RARA: variants seen among roughly 807,000 people sequenced by gnomAD.
The protein encoded by RARA is retinoic acid receptor alpha, also known as PML-DDX5-RARA fusion.
A neutral mutation model predicts 42.8 loss-of-function variants in RARA; 5 were observed. That is an observed-to-expected ratio of 0.12 (90% CI 0.06 to 0.25). The LOEUF (loss-of-function observed/expected upper bound fraction) is 0.25. Ranked by LOEUF, RARA falls within the 10% of genes least tolerant of loss-of-function variation. The pLI, the probability that RARA is intolerant of heterozygous loss-of-function variation, is 1.00. For synonymous variants in RARA, 256 were observed against 259.5 expected, an observed-to-expected ratio of 0.99 and a Z score of 0.13; for missense variants, 402 against 628.7, an observed-to-expected ratio of 0.64 and a Z score of 3.86.
At chr17:40,323,010 A>T (rs1401489073) in intron 1 of RARA, 1 of 152,010 alleles carries the variant, frequency 6.6e-6, no homozygotes, top group Non-Finnish European at 1.5e-5. Flanking sequence ...TGCCATGGTG[A>T]TGTCTGCCGT....
chr17:40,354,518 GC>G lies in RARA; in HGVS notation c.1012+14del. 10 of 1,610,050 alleles carry G rather than the reference GC, an allele frequency of 6.2e-6. No individual in the cohort carries two copies. Among genetic ancestry groups the G allele is most frequent in the Non-Finnish European group, 8.5e-6 (10 of 1,177,738 alleles). ...CCTCATCTGCGGAGGTGGGCAGGGG[GC>G]CTGGGTCTGGGGGCTGGGCTGGGAC... On this transcript the variant is annotated intron_variant, in intron 7 of 8. Transcript: ENST00000254066. The surrounding 1 kb of genome is among the most constrained non-coding windows in gnomAD (Gnocchi z 4.5).
chr17:40,341,270 C>T (rs1172881856), intron 2 of RARA: 5 of 1,339,508 alleles, frequency 3.7e-6, no homozygotes, highest in Non-Finnish European at 4.9e-6. Flanking sequence ...TAGGAGACAC[C>T]TTGGGCGGGG....
In RARA at chr17:40,351,200, T is replaced by G; in HGVS notation, c.470-710T>G. On this transcript the variant is annotated intron_variant, in intron 4 of 8. Transcript: ENST00000254066. This position sits in a 1 kb window ranked among gnomAD's most constrained non-coding sequence, Gnocchi z 4.1. ...AGAATCGACATGAGTGATCTCCAAA[T>G]TATGCCAGCTACCCCCACCTCGCTA... Among the ~76,000 whole-genome samples the G allele has an allele frequency of 6.6e-6, 1 of 151,462 alleles. No homozygotes were observed. Among genetic ancestry groups the G allele is most frequent in the South Asian group, 2.1e-4 (1 of 4,786 alleles).
At chr17:40,342,801 G>A in intron 2 of RARA, 1 of 1,612,796 alleles carries the variant, frequency 6.2e-7, no homozygotes, top group Non-Finnish European at 8.5e-7. Context: ...CCCAGAGAAG[G>A]GGCTCCCCGC....
rs980966828 is a variant in RARA, at chr17:40,355,016, A to C, written c.1013-247A>C. On this transcript the variant is annotated intron_variant, in intron 7 of 8. Transcript: ENST00000254066. This position sits in a 1 kb window ranked among gnomAD's most constrained non-coding sequence, Gnocchi z 4.1. ...TCCCTGCTTGAGGATGGCACTGCCC[A>C]TTTGGGGTCCCATCCCACTAACTGG... 6.6e-6 allele frequency among the ~76,000 whole-genome samples: 1 copy of C among 152,120 alleles called. No individual in the cohort carries two copies. The highest frequency in any genetic ancestry group is 1.5e-5 in the Non-Finnish European group (1 of 68,006).
At chr17:40,318,425 ACGGGTTGCTTCCCCC>A (rs1277113312) in intron 1 of RARA, 1 of 152,246 alleles carries the variant, frequency 6.6e-6, no homozygotes, top group Non-Finnish European at 1.5e-5. Context: ...GGCACCCCGA[ACGGGTTGCTTCCCCC>A]GCTGCGAGGT....
In RARA at chr17:40,351,458, TCCCCACTTG is replaced by T. The variant is rs1217126407; in HGVS notation, c.470-446_470-438del. ...CCACTCTCAGGCTGGGGAGCCCTACTCCCCACTTGCCCCAGGAGCTGCTCAGAGCCAGTC... is the reference window on the plus strand; with the variant it reads ...CCACTCTCAGGCTGGGGAGCCCTACTCCCCAGGAGCTGCTCAGAGCCAGTC... On this transcript the variant is annotated intron_variant, in intron 4 of 8. Coordinates refer to ENST00000254066, the MANE Select transcript of RARA (RefSeq NM_000964.4). This position sits in a 1 kb window ranked among gnomAD's most constrained non-coding sequence, Gnocchi z 4.1. The T allele has an allele frequency of 2.1e-6, 1 of 471,828 alleles. No individual in the cohort carries two copies. Among genetic ancestry groups the T allele is most frequent in the South Asian group, 1.6e-5 (1 of 64,450 alleles). 29.2% of individuals were successfully genotyped at this position (471,828 alleles called of 1,614,324 possible). A position where few individuals can be genotyped will look rare whatever the true frequency, so the allele number is the denominator to read the frequency against.
At position 40,354,318 on chromosome 17, in the gene RARA, C is replaced by T. The variant is rs757750800; in HGVS notation, c.824C>T (p.Thr275Met). ...CLDILILRIC[T>M]RYTPEQDTMT... ...TGCACCCAGATCCTGCGGATCTGCA[C>T]GCGGTACACGCCCGAGCAGGACACC... The change falls in exon 7 of 9, where the codon ACG (threonine) becomes ATG (methionine). Residue 275 changes from threonine (T) to methionine (M), a missense_variant. Around this residue, in one of 5 missense-constraint regions of RARA, gnomAD observed 130 missense variants for 267.9 expected, o/e 0.49. Coordinates refer to ENST00000254066, the MANE Select transcript of RARA (RefSeq NM_000964.4). The surrounding 1 kb of genome is among the most constrained non-coding windows in gnomAD (Gnocchi z 4.5). 9.9e-6 allele frequency: 16 copies of T among 1,614,016 alleles called. No homozygotes were observed. The East Asian group carries it at 1.1e-4, about 11-fold the overall frequency.
chr17:40,335,652 T>C (rs1185280580), intron 2 of RARA, among the ~76,000 whole-genome samples: 1 of 151,674 alleles, frequency 6.6e-6, no homozygotes, highest in Non-Finnish European at 1.5e-5. Flanking sequence ...ATCATGCCAC[T>C]GCACTCCAGC....
Position 40,356,403 on chromosome 17 carries a change from C to CTG in RARA, c.*177_*178insTG, listed in dbSNP as rs1466815683. ...GCGACTCCTTGGACAGAGGCCTGGG[C>CTG]CCTCAGTGGACTGCCTGCTCCCACA... On this transcript the variant is annotated 3_prime_UTR_variant, in exon 9 of 9. Transcript: ENST00000254066. 1 of 782,210 alleles carries CTG rather than the reference C, an allele frequency of 1.3e-6. No individual in the cohort carries two copies. Among genetic ancestry groups the CTG allele is most frequent in the Non-Finnish European group, 2.2e-6 (1 of 459,766 alleles). The allele number at this position is 782,210 out of a possible 1,614,324, so 48.5% of individuals were successfully genotyped here. A position where few individuals can be genotyped will look rare whatever the true frequency, so the allele number is the denominator to read the frequency against.
intron 2 of RARA, among the ~76,000 whole-genome samples, chr17:40,332,482 C>A (rs1265259149): frequency 6.6e-6 from 1 of 152,202 alleles, no homozygotes; most frequent in Non-Finnish European, 1.5e-5. Context: ...TGGGTCAGTG[C>A]CCCCTTCTCA....
chr17:40,341,346 A>T, intron 2 of RARA: 1 of 1,428,854 alleles, frequency 7.0e-7, no homozygotes, highest in Non-Finnish European at 9.2e-7. Context: ...TTGTGCCAAC[A>T]GCACCCGCGC....
At position 40,341,286 on chromosome 17, in the gene RARA, C is replaced by T. The variant is rs947805085; in HGVS notation, c.179-7030C>T. On this transcript the variant is annotated intron_variant, in intron 2 of 8. Transcript: ENST00000254066. ...AGGAGACACCTTGGGCGGGGCTTTG[C>T]TCGCCGGAAGCACGCAGAGCGTGGG... 3.7e-6 allele frequency: 5 copies of T among 1,369,238 alleles called. No homozygotes were observed. In the African/African-American group the frequency reaches 4.6e-5, roughly 13 times the overall value. The allele number at this position is 1,369,238 out of a possible 1,614,324, so 84.8% of individuals were successfully genotyped here.
intron 1 of RARA, among the ~76,000 whole-genome samples, chr17:40,329,468 A>G (rs2033633963): frequency 6.6e-6 from 1 of 152,128 alleles, no homozygotes; most frequent in African/African-American, 2.4e-5. Flanking sequence ...CACCATGCGC[A>G]GCTAATTTTT....
At chr17:40,341,715 G>A in intron 2 of RARA, 1 of 1,314,378 alleles carries the variant, frequency 7.6e-7, no homozygotes, top group Non-Finnish European at 9.7e-7. Flanking sequence ...GTGGGGGTGT[G>A]TGTTAAGGGG....
At chr17:40,330,549 C>T (rs922870710) in intron 1 of RARA, among the ~76,000 whole-genome samples, 2 of 152,152 alleles carry the variant, frequency 1.3e-5, no homozygotes, top group African/African-American at 4.8e-5. Context: ...GGGCCAGCTG[C>T]CCGTTTCTGC....
rs751370458 is a variant in RARA at position 40,348,385 on chromosome 17, G to A, written c.248G>A (p.Arg83His). Residue 83 changes from arginine (R) to histidine (H), a missense_variant, in exon 3 of 9, where the codon CGC (arginine) becomes CAC (histidine). By Grantham distance (29) the Arg-to-His change is conservative. Transcript: ENST00000254066. ...CCTCCCTCGCCACCCCCTCTACCCCGCATCTACAAGCCTTGCTTTGTCTGT... is the reference window on the plus strand; with the variant it reads ...CCTCCCTCGCCACCCCCTCTACCCCACATCTACAAGCCTTGCTTTGTCTGT... ...PSPPSPPPLP[R>H]IYKPCFVCQD... The A allele has an allele frequency of 2.5e-6, 4 of 1,613,322 alleles. No homozygotes were observed. The highest frequency in any genetic ancestry group is 2.2e-5 in the South Asian group (2 of 91,022).
intron 2 of RARA, chr17:40,341,750 T>TC (rs1171550866): frequency 7.7e-7 from 1 of 1,291,084 alleles, no homozygotes; most frequent in African/African-American, 1.6e-5. Context: ...ACCCCCCTCT[T>TC]CCCCGCCCCA....
chr17:40,348,634 C>G (rs2034345159), intron 3 of RARA, 170 bp downstream of exon 3: 3 of 809,110 alleles, frequency 3.7e-6, no homozygotes, highest in Non-Finnish European at 5.4e-6. Flanking sequence ...CCCACAGGTC[C>G]TCCCCCATAA....
Sources: gnomAD v4.1 joint callset for allele counts (sites outside exome capture counted in the v4.1 genomes callset) on GRCh38, gnomAD v4.1.1 for gene constraint, gnomAD v4.1.1 regional missense constraint, Gnocchi (gnomAD v3.1) non-coding constraint, MANE v1.5 for transcripts, NCBI Gene and HGNC (gene_info 2026-07-23, HGNC 2026-07-21) for gene names.